The following INTS2 variants were observed in gnomAD, a reference collection of about 807,000 sequenced individuals.
INTS2 encodes integrator complex subunit 2, also known as KIAA1287.
INTS2 carries 57 observed loss-of-function variants against 139.6 expected under a neutral mutation model. That is an observed-to-expected ratio of 0.41 (90% confidence interval 0.33 to 0.51). The LOEUF (loss-of-function observed/expected upper bound fraction) is 0.51. Ranked by LOEUF, INTS2 falls within the 20% of genes least tolerant of loss-of-function variation. The probability of loss-of-function intolerance (pLI) is 0.28; values close to 1 mark genes in which losing one functional copy is unlikely to be tolerated. For missense variants in INTS2, 1,196 were observed against 1,436.7 expected, an observed-to-expected ratio of 0.83 and a Z score of 2.71; for synonymous variants, 473 against 493.4, an observed-to-expected ratio of 0.96 and a Z score of 0.55.
chr17:61,901,001 G>A (rs1378759339), intron 9 of INTS2, among the ~76,000 whole-genome samples: 4 of 152,136 alleles, frequency 2.6e-5, no homozygotes, highest in Non-Finnish European at 5.9e-5. Flanking sequence ...TTGGCTGGGT[G>A]TGGTGGCTCA....
At chr17:61,902,121 G>T (rs1218119427) in intron 9 of INTS2, among the ~76,000 whole-genome samples, 2 of 152,058 alleles carry the variant, frequency 1.3e-5, no homozygotes, top group African/African-American at 4.8e-5. Flanking sequence ...GGTCCTTTGT[G>T]TGGCCTATTT....
intron 19 of INTS2, among the ~76,000 whole-genome samples, chr17:61,874,452 G>C (rs6504076): frequency 0.091 from 13,789 of 152,174 alleles, 2,107 homozygotes; most frequent in African/African-American, 0.31. Flanking sequence ...GAAGCCACTT[G>C]AAAGCAATGC....
intron 13 of INTS2, 53 bp from the exon 14 acceptor site, chr17:61,891,742 A>G (rs2079297282): frequency 1.5e-6 from 2 of 1,330,672 alleles, no homozygotes; most frequent in South Asian, 2.8e-5. Flanking sequence ...AGAAAAACCA[A>G]GCAAAATTAT....
In INTS2 at chr17:61,874,970, T is replaced by A; in HGVS notation, c.2525A>T (p.Gln842Leu). 1 of 1,598,550 alleles carries A rather than the reference T, an allele frequency of 6.3e-7. No individual in the cohort carries two copies. Among genetic ancestry groups the A allele is most frequent in the East Asian group, 2.2e-5 (1 of 44,538 alleles). Reference sequence around the variant, plus strand: ...GAGAGGATCTATCATCAGGTCATTCTGAGTATACTTTTGTTGTCGTACAAA... The same window carrying A: ...GAGAGGATCTATCATCAGGTCATTCAGAGTATACTTTTGTTGTCGTACAAA... ...IKFVRQQKYT[Q>L]NDLMIDPLIV... The change falls in exon 19 of 25, where the codon CAG (glutamine) becomes CTG (leucine). Residue 842 changes from glutamine (Q) to leucine (L), a missense_variant. By Grantham distance (113) the Gln-to-Leu change is moderately radical. Transcript: ENST00000251334.
intron 7 of INTS2, 115 bp from the exon 8 acceptor site, chr17:61,907,749 T>C (rs746988723): frequency 4.5e-5 from 33 of 725,746 alleles, no homozygotes; most frequent in Non-Finnish European, 6.1e-5. Context: ...TTTGAAGAGA[T>C]TGTCGTGACT....
intron 9 of INTS2, among the ~76,000 whole-genome samples, chr17:61,899,342 C>G (rs2079381398): frequency 6.6e-6 from 1 of 152,142 alleles, no homozygotes; most frequent in African/African-American, 2.4e-5. Context: ...CCTCCACCTC[C>G]CGGATTCAAG....
In INTS2 at chr17:61,868,094, C is replaced by G. The variant is rs1362295247; in HGVS notation, c.3245-85G>C. The G allele has an allele frequency of 2.6e-6, 3 of 1,144,594 alleles. No homozygotes were observed. The highest frequency in any genetic ancestry group is 2.7e-5 in the East Asian group (1 of 37,734). 70.9% of individuals were successfully genotyped at this position (1,144,594 alleles called of 1,614,324 possible). A position where few individuals can be genotyped will look rare whatever the true frequency, so the allele number is the denominator to read the frequency against. ...ACAACATACTAAGGGGAACTATGCTCTGTGCTGGAGATATGAAGTTCTCTA... is the reference window on the plus strand; with the variant it reads ...ACAACATACTAAGGGGAACTATGCTGTGTGCTGGAGATATGAAGTTCTCTA... On this transcript the variant is annotated intron_variant, in intron 23 of 24. Coordinates refer to ENST00000251334, the MANE Select transcript of INTS2 (RefSeq NM_001351695.2). This position sits in a 1 kb window ranked among gnomAD's most constrained non-coding sequence, Gnocchi z 4.7.
At chr17:61,886,549 C>G (rs2079230596) in intron 15 of INTS2, among the ~76,000 whole-genome samples, 1 of 152,226 alleles carries the variant, frequency 6.6e-6, no homozygotes, top group Admixed American at 6.5e-5. Flanking sequence ...CATCCTTCAA[C>G]CTGCGGCCAT....
intron 5 of INTS2, among the ~76,000 whole-genome samples, 159 bp downstream of exon 5, chr17:61,919,241 C>T (rs1013376400): frequency 6.6e-6 from 1 of 151,952 alleles, no homozygotes; most frequent in East Asian, 1.9e-4. Flanking sequence ...AAACTCAATA[C>T]AATTTGTGAA....
rs575155648 is a variant in INTS2, at chr17:61,919,381, A to T, written c.649+19T>A. On this transcript the variant is annotated intron_variant, in intron 5 of 24. Transcript: ENST00000251334. ...TCCAAGCAAGTCTTTTCAATATACC[A>T]TATTAGAATCATATTTACCTTCATT... The T allele has an allele frequency of 2.4e-6, 3 of 1,246,730 alleles. No homozygotes were observed. The South Asian group carries it at 3.8e-5, about 16-fold the overall frequency. The allele number at this position is 1,246,730 out of a possible 1,614,324, so 77.2% of individuals were successfully genotyped here. A position where few individuals can be genotyped will look rare whatever the true frequency, so the allele number is the denominator to read the frequency against.
At chr17:61,910,823 C>T (rs1481368638) in intron 7 of INTS2, 1 of 152,020 alleles carries the variant, frequency 6.6e-6, no homozygotes, top group East Asian at 1.9e-4. Context: ...TGGCCCAGAA[C>T]CCTGGAGATA....
rs2079735679 is a variant in INTS2, at chr17:61,927,934, C to A, written c.-299G>T. 2 of 1,613,874 alleles carry A rather than the reference C, an allele frequency of 1.2e-6. No individual in the cohort carries two copies. Among genetic ancestry groups the A allele is most frequent in the Admixed American group, 1.7e-5 (1 of 60,004 alleles). On this transcript the variant is annotated 5_prime_UTR_variant, in exon 1 of 25. Transcript: ENST00000251334. ...AGACTTTTTCAACCTGCACCCAGCA[C>A]CTTCATTCATCCCCAGCGTCTGACT...
At chr17:61,880,308 A>G (rs1053095115) in intron 17 of INTS2, among the ~76,000 whole-genome samples, 16 of 151,858 alleles carry the variant, frequency 1.1e-4, no homozygotes, top group Non-Finnish European at 2.2e-4. Context: ...GGCCTTCCAA[A>G]GTGCTGGGAT....
intron 17 of INTS2, among the ~76,000 whole-genome samples, chr17:61,878,871 A>C (rs1403093554): frequency 7.9e-6 from 1 of 126,052 alleles, no homozygotes; most frequent in African/African-American, 3.1e-5. Flanking sequence ...CAGAGTTTGC[A>C]GTGAGCTGTG....
At position 61,882,960 on chromosome 17, in the gene INTS2, C is replaced by T. The variant is rs537845707; in HGVS notation, c.2090-1789G>A. On this transcript the variant is annotated intron_variant, in intron 16 of 24. Transcript: ENST00000251334. The surrounding 1 kb of genome is among the most constrained non-coding windows in gnomAD (Gnocchi z 4.7). ...CTGCTTTATCCCAGTAGAAACAATA[C>T]GCAATTCCGTTCTCATAGAAACAGC... Among the ~76,000 whole-genome samples, 2 of 152,236 alleles carry T rather than the reference C, an allele frequency of 1.3e-5. No individual in the cohort carries two copies. The highest frequency in any genetic ancestry group is 1.9e-4 in the East Asian group (1 of 5,168).
rs2079500318 is a variant in INTS2 at position 61,909,476 on chromosome 17, A to G, written c.955-1842T>C. ...TTTGTTACATGAATCTATTGCATAG[A>G]AGTCTGGGCTGTTGGTGTAGTCATC... On this transcript the variant is annotated intron_variant, in intron 7 of 24. Coordinates refer to ENST00000251334, the MANE Select transcript of INTS2 (RefSeq NM_001351695.2). This position sits in a 1 kb window ranked among gnomAD's most constrained non-coding sequence, Gnocchi z 4.9. Among the ~76,000 whole-genome samples, 1 of 152,112 alleles carries G rather than the reference A, an allele frequency of 6.6e-6. No homozygotes were observed. The highest frequency in any genetic ancestry group is 1.5e-5 in the Non-Finnish European group (1 of 68,038).
chr17:61,919,733 T>C (rs549483238), intron 4 of INTS2, among the ~76,000 whole-genome samples: 1 of 152,096 alleles, frequency 6.6e-6, no homozygotes, highest in Non-Finnish European at 1.5e-5. Flanking sequence ...GTGATATTTC[T>C]TTTTTTCTTC....
At position 61,869,288 on chromosome 17, in the gene INTS2, T is replaced by C. The variant is rs372703637; in HGVS notation, c.3123A>G (p.Pro1041=). 15 of 1,604,286 alleles carry C rather than the reference T, an allele frequency of 9.3e-6. No individual in the cohort carries two copies. Among genetic ancestry groups the C allele is most frequent in the Middle Eastern group, 3.3e-4 (2 of 6,068 alleles). ...LDFIPELIAQ[P]ELEKQIFAIQ... Reference sequence around the variant, plus strand: ...TGCTCATTACCTGTTTCTCAAGTTCTGGCTGTGCAATAAGCTCAGGTATGA... The same window carrying C: ...TGCTCATTACCTGTTTCTCAAGTTCCGGCTGTGCAATAAGCTCAGGTATGA... The change falls in exon 22 of 25, where the codon CCA becomes CCG. Residue 1041 remains proline, a synonymous_variant. Transcript: ENST00000251334. The surrounding 1 kb of genome is among the most constrained non-coding windows in gnomAD (Gnocchi z 5.4).
intron 18 of INTS2, among the ~76,000 whole-genome samples, chr17:61,877,401 C>T (rs535305064): frequency 3.9e-5 from 6 of 152,252 alleles, no homozygotes; most frequent in South Asian, 4.1e-4. Context: ...CCAGCAGAGA[C>T]CCAATGACTA....
Sources: gnomAD v4.1 joint callset for allele counts (sites outside exome capture counted in the v4.1 genomes callset) on GRCh38, gnomAD v4.1.1 for gene constraint, Gnocchi (gnomAD v3.1) non-coding constraint, MANE v1.5 for transcripts, NCBI Gene and HGNC (gene_info 2026-07-23, HGNC 2026-07-21) for gene names.